MMEL1: variants seen among roughly 807,000 people sequenced by gnomAD.
MMEL1 encodes the protein membrane metallo-endopeptidase-like 1.
In MMEL1, 98 loss-of-function variants were observed where a neutral mutation model predicts 117.1. The ratio of observed to expected loss-of-function variants is 0.84; its 90% confidence interval spans 0.71 to 0.99. The LOEUF is 0.99. Ranked by LOEUF, MMEL1 falls within the 50% of genes least tolerant of loss-of-function variation. The probability of loss-of-function intolerance (pLI) is 0.00; values close to 1 mark genes in which losing one functional copy is unlikely to be tolerated. For missense variants in MMEL1, 1,014 were observed against 1,049.1 expected (o/e 0.97, Z 0.46); for synonymous variants, 390 against 415.1 (o/e 0.94, Z 0.74).
chr1:2,630,754 CATGTGCATT>C (rs1301217971), intron 1 of MMEL1, among the ~76,000 whole-genome samples: 1 of 131,232 alleles, frequency 7.6e-6, no homozygotes, highest in Non-Finnish European at 1.6e-5. Flanking sequence ...CTCATGTGTG[CATGTGCATT>C]ATGTGGATAT....
intron 6 of MMEL1, 73 bp from the exon 7 acceptor site, chr1:2,607,142 C>T (rs1023600456): frequency 1.0e-4 from 142 of 1,366,102 alleles, no homozygotes; most frequent in Non-Finnish European, 1.3e-4. Flanking sequence ...ACTGTGGGGG[C>T]GCCGTTGGCC....
At chr1:2,592,995 C>T in intron 19 of MMEL1, 29 bp from the exon 20 acceptor site, 2 of 1,609,442 alleles carry the variant, frequency 1.2e-6, no homozygotes, top group East Asian at 4.5e-5. Context: ...GGGCTGCCCA[C>T]ATGCCCCTGG....
At chr1:2,611,411 C>A in intron 3 of MMEL1, 71 bp from the exon 4 acceptor site, 2 of 496,502 alleles carry the variant, frequency 4.0e-6, no homozygotes, top group Non-Finnish European at 5.0e-6. Flanking sequence ...TGGGTGTGGG[C>A]GGGGCAAGGT....
chr1:2,598,144 G>T, intron 13 of MMEL1, 63 bp downstream of exon 13: 4 of 1,431,558 alleles, frequency 2.8e-6, no homozygotes, highest in Non-Finnish European at 3.9e-6. Flanking sequence ...TACAGCTTAT[G>T]CTCAGCATCG....
chr1:2,617,613 T>C (rs1287672411), intron 2 of MMEL1, among the ~76,000 whole-genome samples: 3 of 152,122 alleles, frequency 2.0e-5, no homozygotes, highest in South Asian at 4.2e-4. Context: ...AAAAAGAAGC[T>C]TGTGAGGTTC....
At chr1:2,613,576 G>A (rs1407004628) in intron 2 of MMEL1, among the ~76,000 whole-genome samples, 2 of 152,148 alleles carry the variant, frequency 1.3e-5, no homozygotes, top group African/African-American at 4.8e-5. Context: ...CGAGAGCTGA[G>A]GACATAGAGA....
intron 7 of MMEL1, 49 bp downstream of exon 7, chr1:2,606,925 C>G (rs756240484): frequency 1.3e-6 from 2 of 1,540,266 alleles, no homozygotes; most frequent in Non-Finnish European, 1.8e-6. Flanking sequence ...AGCCCTGGTC[C>G]TGGTCCTCCT....
chr1:2,618,504 T>C (rs1331511485), intron 2 of MMEL1, among the ~76,000 whole-genome samples: 2 of 152,164 alleles, frequency 1.3e-5, no homozygotes, highest in African/African-American at 4.8e-5. Flanking sequence ...CCCTCTCTTC[T>C]CCATCCCTCT....
At chr1:2,603,119 G>A (rs917224896) in intron 11 of MMEL1, among the ~76,000 whole-genome samples, 1 of 152,200 alleles carries the variant, frequency 6.6e-6, no homozygotes, top group African/African-American at 2.4e-5. Context: ...GGCACTAGGT[G>A]CCCTGGGGCG....
chr1:2,609,062 C>T (rs1213906366), intron 6 of MMEL1, among the ~76,000 whole-genome samples: 1 of 150,506 alleles, frequency 6.6e-6, no homozygotes, highest in East Asian at 1.9e-4. Context: ...CACACACACA[C>T]ACACACACAC....
At chr1:2,622,985 T>C (rs1645313385) in intron 2 of MMEL1, among the ~76,000 whole-genome samples, 2 of 150,640 alleles carry the variant, frequency 1.3e-5, no homozygotes, top group South Asian at 4.2e-4. Flanking sequence ...CTGGCCAACA[T>C]GGTGAAACCC....
chr1:2,604,036 A>G, intron 10 of MMEL1, 63 bp from the exon 11 acceptor site: 1 of 1,593,358 alleles, frequency 6.3e-7, no homozygotes, highest in Non-Finnish European at 8.6e-7. Flanking sequence ...CTCCTGGCCC[A>G]GTCCCTGCCT....
intron 2 of MMEL1, among the ~76,000 whole-genome samples, chr1:2,626,130 C>T (rs536370940): frequency 3.3e-5 from 5 of 152,296 alleles, no homozygotes; most frequent in African/African-American, 7.2e-5. Flanking sequence ...GGAGAAGAGG[C>T]CAGATGTGCG....
At chr1:2,604,658 G>A (rs1372060435) in intron 9 of MMEL1, among the ~76,000 whole-genome samples, 2 of 152,022 alleles carry the variant, frequency 1.3e-5, no homozygotes, top group Non-Finnish European at 2.9e-5. Flanking sequence ...CCGGGGTGGT[G>A]GGTGCCAGGG....
chr1:2,597,560 G>T (rs2764845), intron 13 of MMEL1, among the ~76,000 whole-genome samples: 82,200 of 151,806 alleles, frequency 0.54, 23,875 homozygotes, highest in Non-Finnish European at 0.66. Flanking sequence ...CCTCACCTGG[G>T]TGACCACATC....
chr1:2,614,232 G>C (rs966756860), intron 2 of MMEL1, among the ~76,000 whole-genome samples: 4 of 152,214 alleles, frequency 2.6e-5, no homozygotes, highest in Admixed American at 1.3e-4. Flanking sequence ...TGAGACTCAA[G>C]ACAAATGTAT....
At chr1:2,604,121 C>CAA in intron 10 of MMEL1, 26 bp downstream of exon 10, 9 of 1,468,268 alleles carry the variant, frequency 6.1e-6, no homozygotes, top group South Asian at 1.2e-5. Flanking sequence ...TCGCTGCCCG[C>CAA]TCCCCACCCG....
At position 2,612,329 on chromosome 1, in the gene MMEL1, T is replaced by G. The variant is rs2100951058; in HGVS notation, c.155-125A>C. On this transcript the variant is annotated intron_variant, in intron 2 of 23. Coordinates refer to ENST00000378412, the MANE Select transcript of MMEL1 (RefSeq NM_033467.4). This position sits in a 1 kb window ranked among gnomAD's most constrained non-coding sequence, Gnocchi z 5.4. ...GGGTGCTGCAGCCCTACCCCTGTAGTGAGGGCTGGTCCCCAGGGCAGCGAG... is the reference window on the plus strand; with the variant it reads ...GGGTGCTGCAGCCCTACCCCTGTAGGGAGGGCTGGTCCCCAGGGCAGCGAG... 1 of 730,848 alleles carries G rather than the reference T, an allele frequency of 1.4e-6. No homozygotes were observed. Among genetic ancestry groups the G allele is most frequent in the South Asian group, 1.7e-5 (1 of 58,746 alleles). The allele number at this position is 730,848 out of a possible 1,614,324, so 45.3% of individuals were successfully genotyped here.
At chr1:2,599,037 C>T (rs1231844767) in intron 11 of MMEL1, among the ~76,000 whole-genome samples, 3 of 151,976 alleles carry the variant, frequency 2.0e-5, no homozygotes, top group Non-Finnish European at 4.4e-5. Context: ...CACAACTTAG[C>T]AAAAATGACA....
Sources: allele counts gnomAD v4.1 joint callset (sites outside exome capture counted in the v4.1 genomes callset), GRCh38; gene constraint gnomAD v4.1.1; non-coding constraint Gnocchi (gnomAD v3.1); transcripts MANE v1.5; gene names NCBI Gene and HGNC (gene_info 2026-07-23, HGNC 2026-07-21).